PRKCB: variants seen among roughly 807,000 people sequenced by gnomAD.
PRKCB encodes the protein protein kinase C beta type.
Under a neutral mutation model 81.5 loss-of-function variants are expected in PRKCB, and 13 were observed. The ratio of observed to expected loss-of-function variants is 0.16; its 90% confidence interval spans 0.10 to 0.25. The LOEUF is 0.25. Ranked by LOEUF, PRKCB falls within the 10% of genes least tolerant of loss-of-function variation. The pLI is 1.00. For missense variants in PRKCB, 509 were observed against 875.7 expected (o/e 0.58, Z 5.29); for synonymous variants, 335 against 321.4 (o/e 1.04, Z -0.45).
chr16:24,006,105 C>T (rs753715254), intron 3 of PRKCB, among the ~76,000 whole-genome samples: 2 of 152,190 alleles, frequency 1.3e-5, no homozygotes, highest in African/African-American at 4.8e-5. Flanking sequence ...TATCTATTAT[C>T]TCCCTACATC....
chr16:24,176,389 G>T (rs1387527907), intron 12 of PRKCB, among the ~76,000 whole-genome samples: 1 of 151,940 alleles, frequency 6.6e-6, no homozygotes. Context: ...CTCCAGCCTG[G>T]GCAACAGAGC....
At chr16:24,150,699 C>G (rs1413927354) in intron 9 of PRKCB, among the ~76,000 whole-genome samples, 1 of 152,200 alleles carries the variant, frequency 6.6e-6, no homozygotes. Context: ...GGAGCCCAGG[C>G]TATTGCTTAT....
At chr16:24,084,724 A>G (rs928633293) in intron 5 of PRKCB, among the ~76,000 whole-genome samples, 3 of 152,186 alleles carry the variant, frequency 2.0e-5, no homozygotes, top group Admixed American at 1.3e-4. Context: ...AATGACAAAA[A>G]CATATAATAC....
chr16:24,011,524 T>C (rs1274221486), intron 3 of PRKCB, among the ~76,000 whole-genome samples: 1 of 152,150 alleles, frequency 6.6e-6, no homozygotes, highest in East Asian at 1.9e-4. Flanking sequence ...TTGTTTTATT[T>C]TGTTTTGTTT....
chr16:24,015,219 G>T (rs537542848), intron 3 of PRKCB, among the ~76,000 whole-genome samples: 1 of 152,180 alleles, frequency 6.6e-6, no homozygotes, highest in Admixed American at 6.5e-5. Flanking sequence ...TGGCCTTGAA[G>T]TGTCTGCTCC....
intron 3 of PRKCB, among the ~76,000 whole-genome samples, chr16:23,989,216 G>A (rs1010509965): frequency 1.3e-5 from 2 of 152,040 alleles, no homozygotes; most frequent in Non-Finnish European, 2.9e-5. Flanking sequence ...CCGCCGCCTC[G>A]GCCTCCCAAA....
chr16:24,083,460 C>T (rs1166113690), intron 5 of PRKCB, among the ~76,000 whole-genome samples: 1 of 152,128 alleles, frequency 6.6e-6, no homozygotes, highest in East Asian at 1.9e-4. Flanking sequence ...AATAGATAAA[C>T]CTTGATACAT....
Position 24,183,134 on chromosome 16 carries a change from G to A in PRKCB, c.1534-1977G>A, listed in dbSNP as rs567187252. ...CTCGGCCTCCCAAAGTGGAAAACAC[G>A]TTCAATGAGAAGTGTTCTCCTGGAA... On this transcript the variant is annotated intron_variant, in intron 13 of 16. Transcript: ENST00000643927. 5.3e-5 allele frequency among the ~76,000 whole-genome samples: 8 copies of A among 152,126 alleles called. No individual in the cohort carries two copies. The South Asian group carries it at 1.2e-3, about 24-fold the overall frequency.
chr16:24,139,571 TTCTAAAC>T (rs1966880510), intron 9 of PRKCB, among the ~76,000 whole-genome samples: 1 of 152,204 alleles, frequency 6.6e-6, no homozygotes, highest in East Asian at 1.9e-4. Context: ...TGCACCTTCA[TTCTAAAC>T]TTCGTTTCAC....
rs757475504 is a variant in PRKCB at position 23,840,495 on chromosome 16, A to G, written c.205+3089A>G. Among the ~76,000 whole-genome samples the G allele has an allele frequency of 6.8e-4, 104 of 152,312 alleles. 1 individual carries two copies. The highest frequency in any genetic ancestry group is 3.4e-3 in the Middle Eastern group (1 of 294). On this transcript the variant is annotated intron_variant, in intron 2 of 16. Coordinates refer to ENST00000643927, the MANE Select transcript of PRKCB (RefSeq NM_002738.7). Reference sequence around the variant, plus strand: ...TGTTTAAGTTGCTCAAGATCCTTCTACCTACATCCTCTTAGCTAGGGTTTA... The same window carrying G: ...TGTTTAAGTTGCTCAAGATCCTTCTGCCTACATCCTCTTAGCTAGGGTTTA...
chr16:24,050,732 G>A (rs1048085058), intron 5 of PRKCB, among the ~76,000 whole-genome samples: 4 of 152,108 alleles, frequency 2.6e-5, no homozygotes, highest in African/African-American at 4.8e-5. Context: ...TGGCAAATGT[G>A]TCATGACCCG....
intron 2 of PRKCB, among the ~76,000 whole-genome samples, chr16:23,855,711 C>A (rs1377340964): frequency 6.6e-6 from 1 of 152,164 alleles, no homozygotes; most frequent in Non-Finnish European, 1.5e-5. Context: ...GGTAGTTGAA[C>A]TGTGGTGCAA....
At chr16:23,996,464 T>C (rs1479151603) in intron 3 of PRKCB, among the ~76,000 whole-genome samples, 1 of 152,210 alleles carries the variant, frequency 6.6e-6, no homozygotes, top group Admixed American at 6.5e-5. Flanking sequence ...ACTGAGTTCC[T>C]GATATGGCAC....
chr16:24,204,319 T>C (rs939130067), intron 16 of PRKCB, among the ~76,000 whole-genome samples: 1 of 152,078 alleles, frequency 6.6e-6, no homozygotes, highest in Admixed American at 6.6e-5. Flanking sequence ...ATCAGATACA[T>C]AGTATGAGGC....
intron 9 of PRKCB, among the ~76,000 whole-genome samples, chr16:24,153,365 A>G (rs1475029281): frequency 6.6e-6 from 1 of 152,216 alleles, no homozygotes. Context: ...GAGTAACAAT[A>G]AGTGAAAACC....
At chr16:23,950,040 C>T (rs183472184) in intron 2 of PRKCB, among the ~76,000 whole-genome samples, 9 of 151,940 alleles carry the variant, frequency 5.9e-5, no homozygotes, top group East Asian at 1.9e-4. Flanking sequence ...CCATGCTAAC[C>T]GAAGGAGCCT....
At chr16:24,137,435 T>C (rs1596564617) in intron 9 of PRKCB, among the ~76,000 whole-genome samples, 2 of 152,304 alleles carry the variant, frequency 1.3e-5, no homozygotes, top group African/African-American at 4.8e-5. Context: ...GCGATCCTCC[T>C]GCCTCAGCCT....
intron 2 of PRKCB, among the ~76,000 whole-genome samples, chr16:23,947,014 G>C (rs1191862250): frequency 2.0e-5 from 3 of 152,010 alleles, no homozygotes; most frequent in Non-Finnish European, 4.4e-5. Flanking sequence ...TGCAACCACT[G>C]CTGGCTAATT....
chr16:24,056,898 A>G (rs555821769), intron 5 of PRKCB, among the ~76,000 whole-genome samples: 1 of 152,328 alleles, frequency 6.6e-6, no homozygotes, highest in South Asian at 2.1e-4. Flanking sequence ...GGATGAACAC[A>G]GCCTATTTCC....
Sources: allele counts gnomAD v4.1 joint callset (sites outside exome capture counted in the v4.1 genomes callset), GRCh38; gene constraint gnomAD v4.1.1; transcripts MANE v1.5; gene names NCBI Gene and HGNC (gene_info 2026-07-23, HGNC 2026-07-21).